Variants in TOP2B observed in about 807,000 individuals in gnomAD.
TOP2B encodes the protein DNA topoisomerase 2-beta.
TOP2B carries 51 observed loss-of-function variants against 193.5 expected under a neutral mutation model. The observed-to-expected ratio is 0.26, with a 90% CI of 0.21 to 0.33. The LOEUF is 0.33. TOP2B is among the 10% of genes least tolerant of loss of function. The pLI, the probability that TOP2B is intolerant of heterozygous loss-of-function variation, is 1.00. For synonymous variants in TOP2B, 634 were observed against 635.7 expected (o/e 1.00, Z 0.04); for missense variants, 1,378 against 1,909.3 (o/e 0.72, Z 5.19).
At chr3:25,613,415 C>T (rs1702429086) in intron 27 of TOP2B, among the ~76,000 whole-genome samples, 1 of 152,120 alleles carries the variant, frequency 6.6e-6, no homozygotes, top group Non-Finnish European at 1.5e-5. Context: ...ACTGCACTTC[C>T]ACTTACTAGT....
intron 22 of TOP2B, 102 bp downstream of exon 22, chr3:25,620,580 C>A: frequency 7.9e-7 from 1 of 1,263,766 alleles, no homozygotes; most frequent in Middle Eastern, 1.9e-4. Flanking sequence ...AATTTTTTAA[C>A]ACTACGCACG....
chr3:25,607,508 T>C, intron 30 of TOP2B, 133 bp from the exon 31 acceptor site: 1 of 1,238,904 alleles, frequency 8.1e-7, no homozygotes, highest in Non-Finnish European at 1.1e-6. Flanking sequence ...AAGCAAGCAT[T>C]TACAGAATAA....
intron 16 of TOP2B, 71 bp from the exon 17 acceptor site, chr3:25,626,935 A>T: frequency 2.1e-6 from 2 of 933,992 alleles, no homozygotes; most frequent in Non-Finnish European, 3.2e-6. Flanking sequence ...TAAAATGTAT[A>T]AGTGGCCAAT....
chr3:25,634,031 C>T lies in TOP2B; in HGVS notation c.853-17G>A. 1 of 1,583,486 alleles carries T rather than the reference C, an allele frequency of 6.3e-7. No individual in the cohort carries two copies. Among genetic ancestry groups the T allele is most frequent in the Non-Finnish European group, 8.6e-7 (1 of 1,165,232 alleles). On this transcript the variant is annotated splice_polypyrimidine_tract_variant and intron_variant, in intron 7 of 35. Coordinates refer to ENST00000264331, the MANE Select transcript of TOP2B (RefSeq NM_001330700.2). ...TCCATTTACCTATTAATTTAAAAAA[C>T]AAAAACAATTAAAAATCTTACACTG...
Position 25,615,302 on chromosome 3 carries a change from G to A in TOP2B, c.3508-14C>T. 1 of 1,600,342 alleles carries A rather than the reference G, an allele frequency of 6.2e-7. No individual in the cohort carries two copies. Among genetic ancestry groups the A allele is most frequent in the Non-Finnish European group, 8.5e-7 (1 of 1,174,496 alleles). ...GACCTCTCGCCCCTATAATAAAAAA[G>A]TACAGTTTAAACATTCAATAGTTTT... is the stretch of plus-strand genomic sequence containing the variant. On this transcript the variant is annotated splice_polypyrimidine_tract_variant and intron_variant, in intron 26 of 35. Transcript: ENST00000264331.
intron 25 of TOP2B, among the ~76,000 whole-genome samples, chr3:25,617,208 T>A (rs1235244998): frequency 6.6e-6 from 1 of 152,086 alleles, no homozygotes; most frequent in African/African-American, 2.4e-5. Context: ...TTCATCAGCT[T>A]ACTAGTTACT....
At chr3:25,631,770 T>C (rs890801416) in intron 10 of TOP2B, among the ~76,000 whole-genome samples, 1 of 152,064 alleles carries the variant, frequency 6.6e-6, no homozygotes, top group Admixed American at 6.6e-5. Context: ...TACTCAGAAT[T>C]CATTAAGATT....
chr3:25,637,447 G>C (rs1426207501), intron 5 of TOP2B, 135 bp from the exon 6 acceptor site: 6 of 612,978 alleles, frequency 9.8e-6, no homozygotes, highest in African/African-American at 1.9e-5. Flanking sequence ...GAAGATTCCA[G>C]AGTATATTTA....
chr3:25,608,128 C>T (rs1702281073), intron 30 of TOP2B, among the ~76,000 whole-genome samples: 1 of 152,146 alleles, frequency 6.6e-6, no homozygotes, highest in South Asian at 2.1e-4. Context: ...TCTATCTTCT[C>T]TTCAGAGTTA....
intron 1 of TOP2B, among the ~76,000 whole-genome samples, chr3:25,646,641 G>A (rs1249583032): frequency 1.3e-5 from 2 of 152,068 alleles, no homozygotes; most frequent in East Asian, 1.9e-4. Flanking sequence ...ATCTTCAGAG[G>A]CCTTCAAATT....
intron 1 of TOP2B, 58 bp from the exon 2 acceptor site, chr3:25,645,528 T>C (rs1028360559): frequency 4.6e-6 from 6 of 1,306,092 alleles, no homozygotes; most frequent in Middle Eastern, 2.6e-4. Context: ...ACAATGAGTA[T>C]GGACACACGA....
At chr3:25,640,823 T>A (rs1346770261) in intron 4 of TOP2B, among the ~76,000 whole-genome samples, 1 of 138,360 alleles carries the variant, frequency 7.2e-6, no homozygotes, top group Non-Finnish European at 1.5e-5. Context: ...AGTGGCACAA[T>A]CATGGCTCAC....
chr3:25,617,945 T>G (rs1702548833), intron 25 of TOP2B, among the ~76,000 whole-genome samples: 1 of 152,202 alleles, frequency 6.6e-6, no homozygotes, highest in African/African-American at 2.4e-5. Flanking sequence ...AGCTTGGTGT[T>G]TGATAAATAC....
In TOP2B at chr3:25,619,986, T is replaced by G. The variant is rs1415211894; in HGVS notation, c.2939A>C (p.Glu980Ala). 6.2e-7 allele frequency: 1 copy of G among 1,607,116 alleles called. No individual in the cohort carries two copies. The highest frequency in any genetic ancestry group is 8.5e-7 in the Non-Finnish European group (1 of 1,175,224). The change falls in exon 23 of 36, where the codon GAA (glutamate) becomes GCA (alanine). Residue 980 changes from glutamate to alanine, a missense_variant. Physicochemically the swap from Glu to Ala is moderately radical, Grantham distance 107. Coordinates refer to ENST00000264331, the MANE Select transcript of TOP2B (RefSeq NM_001330700.2). ...TTTCACAGTTGTGTCAGTATGATATTCTTTATAATCAGAAATTAATGCTGG... is the reference window on the plus strand; with the variant it reads ...TTTCACAGTTGTGTCAGTATGATATGCTTTATAATCAGAAATTAATGCTGG... The part of the protein sequence containing the change: ...KTPALISDYK[E>A]YHTDTTVKFV...
intron 18 of TOP2B, 134 bp from the exon 19 acceptor site, chr3:25,624,937 A>C (rs1327490518): frequency 1.3e-6 from 1 of 793,320 alleles, no homozygotes; most frequent in African/African-American, 1.8e-5. Context: ...TAACAAAGTG[A>C]GTACATACTA....
At chr3:25,644,101 C>CT (rs34502850) in intron 2 of TOP2B, among the ~76,000 whole-genome samples, 2,704 of 140,644 alleles carry the variant, frequency 0.019, 80 homozygotes, top group Admixed American at 0.098. Context: ...AAAATTAATG[C>CT]TTTTTTTTTT....
intron 33 of TOP2B, among the ~76,000 whole-genome samples, chr3:25,602,216 T>C (rs1475488745): frequency 6.6e-6 from 1 of 151,850 alleles, no homozygotes; most frequent in Non-Finnish European, 1.5e-5. Flanking sequence ...CCCAACATGG[T>C]GAAACCCCAT....
At chr3:25,655,075 T>C (rs1401317252) in intron 1 of TOP2B, among the ~76,000 whole-genome samples, 1 of 152,102 alleles carries the variant, frequency 6.6e-6, no homozygotes, top group Non-Finnish European at 1.5e-5. Context: ...AACTTAAGAA[T>C]TTCTGTGCAC....
chr3:25,620,134 T>C (rs1702620549), intron 22 of TOP2B, 72 bp from the exon 23 acceptor site: 13 of 986,014 alleles, frequency 1.3e-5, no homozygotes, highest in Non-Finnish European at 1.9e-5. Flanking sequence ...AGTCATACAG[T>C]CTTGAAAATT....
Sources: gnomAD v4.1 joint callset for allele counts (sites outside exome capture counted in the v4.1 genomes callset) on GRCh38, gnomAD v4.1.1 for gene constraint, MANE v1.5 for transcripts, NCBI Gene and HGNC (gene_info 2026-07-23, HGNC 2026-07-21) for gene names.